Variants in COL19A1 observed in about 807,000 individuals in gnomAD.
COL19A1 encodes the protein collagen type XIX alpha 1 chain.
COL19A1 carries 159 observed loss-of-function variants against 190.2 expected under a neutral mutation model. The ratio of observed to expected loss-of-function variants is 0.84; its 90% confidence interval spans 0.73 to 0.95. COL19A1 has a LOEUF of 0.95. COL19A1 is among the 40% of genes least tolerant of loss of function. The pLI is 0.00. For synonymous variants in COL19A1, 509 were observed against 458.9 expected (o/e 1.11, Z -1.39); for missense variants, 1,418 against 1,431.9 (o/e 0.99, Z 0.16).
In COL19A1 at chr6:70,055,896, G is replaced by GT. The variant is rs1046752094; in HGVS notation, c.1171-12519dup. 4.7e-5 allele frequency among the ~76,000 whole-genome samples: 7 copies of GT among 148,816 alleles called. No homozygotes were observed. In the South Asian group the frequency reaches 8.6e-4, roughly 18 times the overall value. On this transcript the variant is annotated intron_variant, in intron 14 of 50. Coordinates refer to ENST00000620364, the MANE Select transcript of COL19A1 (RefSeq NM_001858.6). ...AATAGTTTGTCGTTTGTTTCGGTTT[G>GT]TTTTTTTTCTGGCATTTCTAATTCT...
At position 69,891,628 on chromosome 6, in the gene COL19A1, T is replaced by C. The variant is rs1229514578; in HGVS notation, c.92-7320T>C. Among the ~76,000 whole-genome samples the C allele has an allele frequency of 2.0e-5, 3 of 152,188 alleles. 1 individual carries two copies. Among genetic ancestry groups the C allele is most frequent in the Non-Finnish European group, 4.4e-5 (3 of 68,030 alleles). Reference sequence around the variant, plus strand: ...CCCAAGTCACAGCGACCTTGGCAGCTGCCGCCATGAGTGCCAAAGTGACTT... The same window carrying C: ...CCCAAGTCACAGCGACCTTGGCAGCCGCCGCCATGAGTGCCAAAGTGACTT... On this transcript the variant is annotated intron_variant, in intron 2 of 50. Coordinates refer to ENST00000620364, the MANE Select transcript of COL19A1 (RefSeq NM_001858.6).
chr6:69,883,055 G>A (rs951292175), intron 2 of COL19A1, among the ~76,000 whole-genome samples: 1 of 152,180 alleles, frequency 6.6e-6, no homozygotes, highest in Admixed American at 6.5e-5. Context: ...GGAAGAATTG[G>A]ACATTTAAGC....
At position 69,962,476 on chromosome 6, in the gene COL19A1, G is replaced by T. The variant is rs138215155; in HGVS notation, c.982-350G>T. Among the ~76,000 whole-genome samples the T allele has an allele frequency of 3.3e-5, 5 of 152,238 alleles. No homozygotes were observed. In the East Asian group the frequency reaches 9.6e-4, roughly 29 times the overall value. On this transcript the variant is annotated intron_variant, in intron 10 of 50. Transcript: ENST00000620364. ...ATAAATAGTAATTATAAGAAGAATG[G>T]CTAACTTAGTCTTTGCCATGAACTA...
At chr6:69,990,219 C>G (rs1047537866) in intron 11 of COL19A1, among the ~76,000 whole-genome samples, 1 of 152,096 alleles carries the variant, frequency 6.6e-6, no homozygotes, top group Non-Finnish European at 1.5e-5. Context: ...TCTTGTTTCA[C>G]TTAGACTCCA....
chr6:69,980,301 A>G (rs896496344), intron 11 of COL19A1, among the ~76,000 whole-genome samples: 1 of 152,114 alleles, frequency 6.6e-6, no homozygotes, highest in Non-Finnish European at 1.5e-5. Context: ...TAACTTTTGT[A>G]TTTTTATTCA....
intron 48 of COL19A1, among the ~76,000 whole-genome samples, chr6:70,195,037 A>T (rs1767104308): frequency 6.7e-6 from 1 of 150,322 alleles, no homozygotes; most frequent in Non-Finnish European, 1.5e-5. Flanking sequence ...CAAAGTTGTA[A>T]CATCTTTTCT....
chr6:70,105,414 C>A (rs1396776737), intron 16 of COL19A1, among the ~76,000 whole-genome samples: 1 of 152,124 alleles, frequency 6.6e-6, no homozygotes, highest in Non-Finnish European at 1.5e-5. Context: ...CCTCAGCCTC[C>A]CAAAGTGCTG....
intron 2 of COL19A1, chr6:69,891,216 A>AAG (rs2149960353): frequency 6.4e-6 from 1 of 155,498 alleles, no homozygotes; most frequent in Non-Finnish European, 1.4e-5. Context: ...AAAAAAAAAA[A>AAG]AAAACTTTAC....
intron 4 of COL19A1, among the ~76,000 whole-genome samples, chr6:69,905,282 G>A (rs1325594096): frequency 6.6e-6 from 1 of 152,208 alleles, no homozygotes. Flanking sequence ...CTGTAGGCAG[G>A]TGAAAGGTAG....
chr6:69,921,241 A>G (rs1028056767), intron 4 of COL19A1, among the ~76,000 whole-genome samples: 3 of 131,814 alleles, frequency 2.3e-5, no homozygotes, highest in African/African-American at 5.6e-5. Flanking sequence ...TTATATATCC[A>G]TATATGTCAT....
intron 10 of COL19A1, among the ~76,000 whole-genome samples, chr6:69,961,244 A>G (rs1288432448): frequency 1.3e-5 from 2 of 152,180 alleles, no homozygotes; most frequent in African/African-American, 4.8e-5. Context: ...AAAGATATGC[A>G]CTTATTTATA....
intron 4 of COL19A1, among the ~76,000 whole-genome samples, chr6:69,901,427 TA>T (rs1481097524): frequency 6.6e-6 from 1 of 152,230 alleles, no homozygotes; most frequent in Non-Finnish European, 1.5e-5. Flanking sequence ...AATGGCTCCT[TA>T]AAAGTAAACT....
intron 8 of COL19A1, 80 bp from the exon 9 acceptor site, chr6:69,937,958 C>T (rs1187534922): frequency 1.5e-6 from 2 of 1,365,646 alleles, no homozygotes; most frequent in East Asian, 2.3e-5. Flanking sequence ...TTGCTAGTGC[C>T]AGCTTCACAT....
intron 11 of COL19A1, among the ~76,000 whole-genome samples, chr6:69,969,852 A>G (rs1399405308): frequency 1.3e-5 from 2 of 152,168 alleles, no homozygotes; most frequent in Non-Finnish European, 2.9e-5. Flanking sequence ...GCTAGACAAC[A>G]TGTCTCCACT....
chr6:70,163,178 G>T (rs1434333407), intron 35 of COL19A1, among the ~76,000 whole-genome samples, 165 bp from the exon 36 acceptor site: 1 of 152,190 alleles, frequency 6.6e-6, no homozygotes, highest in Non-Finnish European at 1.5e-5. Context: ...GGGCTTATCA[G>T]CAGGATACAG....
At chr6:69,992,914 ACTT>A in intron 11 of COL19A1, among the ~76,000 whole-genome samples, 1 of 151,888 alleles carries the variant, frequency 6.6e-6, no homozygotes, top group Admixed American at 6.6e-5. Flanking sequence ...AGCTAGTTTG[ACTT>A]CTTCTCTTTC....
intron 13 of COL19A1, among the ~76,000 whole-genome samples, chr6:70,035,637 A>G (rs1444324499): frequency 6.6e-6 from 1 of 152,224 alleles, no homozygotes; most frequent in Non-Finnish European, 1.5e-5. Context: ...TTAGTAGACA[A>G]AAGAATAGAA....
At chr6:70,010,148 G>C (rs1370858757) in intron 11 of COL19A1, among the ~76,000 whole-genome samples, 1 of 152,076 alleles carries the variant, frequency 6.6e-6, no homozygotes, top group Non-Finnish European at 1.5e-5. Flanking sequence ...CACCATGGGA[G>C]AAATATTTTC....
chr6:70,200,493 A>G (rs962464447), intron 49 of COL19A1, among the ~76,000 whole-genome samples: 5 of 152,242 alleles, frequency 3.3e-5, no homozygotes, highest in Non-Finnish European at 7.3e-5. Context: ...ATATATCATG[A>G]AAGATAAGAC....
Sources: allele counts gnomAD v4.1 joint callset (sites outside exome capture counted in the v4.1 genomes callset), GRCh38; gene constraint gnomAD v4.1.1; transcripts MANE v1.5; gene names NCBI Gene and HGNC (gene_info 2026-07-23, HGNC 2026-07-21).